Variants in KLHL2 observed in about 807,000 individuals in gnomAD.
KLHL2 encodes the protein kelch-like protein 2.
Under a neutral mutation model 75.8 loss-of-function variants are expected in KLHL2, and 15 were observed. That is an observed-to-expected ratio of 0.20 (90% confidence interval 0.13 to 0.30). KLHL2 has a LOEUF of 0.30. Among genes scored for constraint, KLHL2 ranks in the 10% least tolerant of loss-of-function variants. The pLI is 1.00. For missense variants in KLHL2, 381 were observed against 741.0 expected (o/e 0.51, Z 5.64); for synonymous variants, 214 against 251.9 (o/e 0.85, Z 1.42).
chr4:165,208,846 A>G (rs1450791584), intron 1 of KLHL2, among the ~76,000 whole-genome samples: 6 of 152,150 alleles, frequency 3.9e-5, no homozygotes, highest in African/African-American at 9.7e-5. Context: ...GAGCTTATTC[A>G]TGGAGGCTTG....
chr4:165,287,891 G>T (rs1052173819), intron 5 of KLHL2, among the ~76,000 whole-genome samples: 1 of 152,100 alleles, frequency 6.6e-6, no homozygotes, highest in Non-Finnish European at 1.5e-5. Context: ...AGTTGTAGGA[G>T]ATATTTTTAT....
rs1418034552 is a variant in KLHL2, at chr4:165,207,917, G to A, written c.26+15G>A. The A allele has an allele frequency of 6.3e-6, 9 of 1,418,764 alleles. No homozygotes were observed. In the African/African-American group the frequency reaches 7.6e-5, roughly 12 times the overall value. The allele number at this position is 1,418,764 out of a possible 1,614,324, so 87.9% of individuals were successfully genotyped here. A position where few individuals can be genotyped will look rare whatever the true frequency, so the allele number is the denominator to read the frequency against. On this transcript the variant is annotated intron_variant, in intron 1 of 14. Coordinates refer to ENST00000226725, the MANE Select transcript of KLHL2 (RefSeq NM_007246.4). The surrounding 1 kb of genome is among the most constrained non-coding windows in gnomAD (Gnocchi z 4.2). ...CTGCCTCCCGCGTGAGTGAGCGGGC[G>A]GGCGGGCTGCGCCGCTGCGGATAAG... is the stretch of plus-strand genomic sequence containing the variant.
intron 9 of KLHL2, among the ~76,000 whole-genome samples, chr4:165,310,252 G>A (rs961423106): frequency 2.6e-5 from 4 of 152,186 alleles, no homozygotes; most frequent in African/African-American, 9.7e-5. Context: ...GTGAACACGG[G>A]AGGCTGAGCT....
chr4:165,215,130 G>A (rs1737453525), intron 1 of KLHL2, among the ~76,000 whole-genome samples: 1 of 152,116 alleles, frequency 6.6e-6, no homozygotes. Flanking sequence ...CCAGACATGT[G>A]AAGAAAATTT....
At position 165,314,107 on chromosome 4, in the gene KLHL2, A is replaced by T; in HGVS notation, c.1550A>T (p.Asp517Val). 6.2e-7 allele frequency: 1 copy of T among 1,613,808 alleles called. No individual in the cohort carries two copies. The change falls in exon 13 of 15, where the codon GAT becomes GTT. Residue 517 changes from aspartate (D) to valine (V), a missense_variant. Physicochemically the swap from Asp to Val is radical, Grantham distance 152 (BLOSUM62 -3). This residue lies in a region of KLHL2 where 168 missense variants were observed against 370.4 expected (regional missense o/e 0.45). Transcript: ENST00000226725. ...PLVRKSVEVY[D>V]PTTNAWRQVA... ...GTACGAAAAAGTGTTGAAGTATATG[A>T]TCCCACCACTAACGCATGGAGACAG...
intron 5 of KLHL2, chr4:165,278,786 C>T: frequency 6.5e-7 from 1 of 1,547,148 alleles, no homozygotes; most frequent in Non-Finnish European, 8.9e-7. Flanking sequence ...GCCTGTATTA[C>T]ATAGTAAGAA....
intron 2 of KLHL2, among the ~76,000 whole-genome samples, chr4:165,224,605 T>A (rs1266527898): frequency 6.6e-6 from 1 of 152,228 alleles, no homozygotes; most frequent in African/African-American, 2.4e-5. Context: ...GATTATCTGA[T>A]GTGCATCCAT....
intron 5 of KLHL2, among the ~76,000 whole-genome samples, chr4:165,292,533 A>G (rs999165903): frequency 1.3e-5 from 2 of 151,826 alleles, no homozygotes; most frequent in African/African-American, 4.8e-5. Flanking sequence ...GGGTTTCGCC[A>G]TATTGTCCAG....
At chr4:165,244,314 A>G (rs1740056711) in intron 4 of KLHL2, among the ~76,000 whole-genome samples, 1 of 152,260 alleles carries the variant, frequency 6.6e-6, no homozygotes, top group Admixed American at 6.5e-5. Context: ...TGTCATAAAC[A>G]GATGTGGGAG....
chr4:165,278,542 A>G, intron 5 of KLHL2: 1 of 1,610,882 alleles, frequency 6.2e-7, no homozygotes, highest in South Asian at 1.1e-5. Flanking sequence ...AATAAGGTGC[A>G]TATAACCCCG....
intron 1 of KLHL2, among the ~76,000 whole-genome samples, chr4:165,219,271 C>T (rs2110980243): frequency 6.6e-6 from 1 of 152,356 alleles, no homozygotes; most frequent in Middle Eastern, 3.4e-3. Flanking sequence ...CCCAGCCCTA[C>T]CATTTACCCC....
intron 2 of KLHL2, 139 bp from the exon 3 acceptor site, chr4:165,228,668 T>A: frequency 3.4e-6 from 2 of 582,544 alleles, no homozygotes; most frequent in Non-Finnish European, 6.4e-6. Flanking sequence ...TGTTTAGGGA[T>A]CATGTCCCAA....
intron 11 of KLHL2, 61 bp from the exon 12 acceptor site, chr4:165,313,177 T>A: frequency 6.5e-7 from 1 of 1,538,798 alleles, no homozygotes; most frequent in East Asian, 2.3e-5. Flanking sequence ...CTTGAAAAAT[T>A]AGTGTTTTTT....
At chr4:165,285,964 A>G (rs1579122436) in intron 5 of KLHL2, among the ~76,000 whole-genome samples, 1 of 152,178 alleles carries the variant, frequency 6.6e-6, no homozygotes, top group Non-Finnish European at 1.5e-5. Flanking sequence ...GAGAGCCAGC[A>G]GTGAAGTGCA....
chr4:165,287,779 A>G (rs762352029), intron 5 of KLHL2, among the ~76,000 whole-genome samples: 9 of 152,138 alleles, frequency 5.9e-5, no homozygotes, highest in African/African-American at 2.2e-4. Flanking sequence ...TCTATCATCT[A>G]TTCATACGCT....
At chr4:165,311,004 G>A (rs1172643338) in intron 10 of KLHL2, among the ~76,000 whole-genome samples, 2 of 151,844 alleles carry the variant, frequency 1.3e-5, no homozygotes, top group Non-Finnish European at 2.9e-5. Context: ...ATAGGTGCCC[G>A]CCACCACGCC....
intron 5 of KLHL2, among the ~76,000 whole-genome samples, chr4:165,283,884 A>G (rs1216675852): frequency 2.0e-4 from 30 of 152,206 alleles, no homozygotes; most frequent in Admixed American, 1.9e-3. Flanking sequence ...CCAAACCTCA[A>G]TTCTTGACTT....
intron 5 of KLHL2, among the ~76,000 whole-genome samples, chr4:165,275,780 G>A (rs1052914813): frequency 1.6e-4 from 25 of 152,066 alleles, no homozygotes; most frequent in African/African-American, 5.3e-4. Flanking sequence ...TGAAATTCTG[G>A]GCTTGGTAAG....
chr4:165,278,949 C>A lies in KLHL2; in HGVS notation c.545-15410C>A, dbSNP rs762947935. The A allele has an allele frequency of 2.3e-5, 34 of 1,465,086 alleles. 1 individual carries two copies. In the Admixed American group the frequency reaches 2.7e-4, roughly 12 times the overall value. The allele number at this position is 1,465,086 out of a possible 1,614,324, so 90.8% of individuals were successfully genotyped here. Reference sequence around the variant, plus strand: ...CCATAGATCTCAGAAGAACTCCGAACATGTGGAAGAATTTCCATTGGAATT... The same window carrying A: ...CCATAGATCTCAGAAGAACTCCGAAAATGTGGAAGAATTTCCATTGGAATT... On this transcript the variant is annotated intron_variant, in intron 5 of 14. Coordinates refer to ENST00000226725, the MANE Select transcript of KLHL2 (RefSeq NM_007246.4).
Sources: allele counts gnomAD v4.1 joint callset (sites outside exome capture counted in the v4.1 genomes callset), GRCh38; gene constraint gnomAD v4.1.1; regional missense constraint gnomAD v4.1.1; non-coding constraint Gnocchi (gnomAD v3.1); transcripts MANE v1.5; gene names NCBI Gene and HGNC (gene_info 2026-07-23, HGNC 2026-07-21).